The following MYO3B variants were observed in gnomAD, a reference collection of about 807,000 sequenced individuals.
MYO3B encodes myosin-IIIb.
MYO3B carries 156 observed loss-of-function variants against 174.6 expected under a neutral mutation model. That is an observed-to-expected ratio of 0.89 (90% CI 0.78 to 1.02). The LOEUF (loss-of-function observed/expected upper bound fraction) is 1.02. Ranked by LOEUF, MYO3B falls within the 50% of genes least tolerant of loss-of-function variation. MYO3B has a pLI of 0.00. For synonymous variants in MYO3B, 563 were observed against 569.1 expected (o/e 0.99, Z 0.15); for missense variants, 1,632 against 1,639.4 (o/e 1.00, Z 0.08).
At position 170,519,419 on chromosome 2, in the gene MYO3B, C is replaced by T. The variant is rs1195232210; in HGVS notation, c.3473-19C>T. On this transcript the variant is annotated intron_variant, in intron 29 of 34. Coordinates refer to ENST00000408978, the MANE Select transcript of MYO3B (RefSeq NM_138995.5). ...CCTACTTCTGAACATATGCTTAGCC[C>T]TCCTTTCTTTTCTCTCAGTTCTCAG... 1 of 1,607,476 alleles carries T rather than the reference C, an allele frequency of 6.2e-7. No homozygotes were observed. Among genetic ancestry groups the T allele is most frequent in the Admixed American group, 1.7e-5 (1 of 59,942 alleles).
intron 1 of MYO3B, among the ~76,000 whole-genome samples, chr2:170,181,234 A>C (rs2092395062): frequency 6.6e-6 from 1 of 152,062 alleles, no homozygotes; most frequent in African/African-American, 2.4e-5. Flanking sequence ...ACTGTTGAAA[A>C]GTTTTCCTTT....
intron 8 of MYO3B, chr2:170,340,542 G>GT (rs1420190405): frequency 2.0e-5 from 3 of 152,216 alleles, no homozygotes; most frequent in Admixed American, 2.0e-4. Flanking sequence ...TTTATTTAAT[G>GT]TAAGTTTTAT....
intron 32 of MYO3B, chr2:170,647,054 C>T: frequency 4.2e-6 from 2 of 475,258 alleles, no homozygotes; most frequent in South Asian, 4.1e-5. Context: ...ATGCATGTCA[C>T]TAACGTCTTC....
chr2:170,649,372 AT>A (rs1384150401), intron 32 of MYO3B, among the ~76,000 whole-genome samples: 5 of 108,996 alleles, frequency 4.6e-5, no homozygotes, highest in Admixed American at 1.3e-4. Flanking sequence ...TTATATAAAA[AT>A]ATAAATATAT....
At chr2:170,532,797 C>T (rs1473585606) in intron 30 of MYO3B, among the ~76,000 whole-genome samples, 1 of 96,318 alleles carries the variant, frequency 1.0e-5, no homozygotes, top group African/African-American at 4.2e-5. Context: ...GTCTGGGCAA[C>T]AAGAGTGAAA....
At chr2:170,521,973 C>T (rs1405863244) in intron 30 of MYO3B, among the ~76,000 whole-genome samples, 1 of 152,212 alleles carries the variant, frequency 6.6e-6, no homozygotes, top group African/African-American at 2.4e-5. Flanking sequence ...GCGTGCTTTC[C>T]TTGAAGAGCC....
At chr2:170,466,228 C>T (rs367616732) in intron 24 of MYO3B, among the ~76,000 whole-genome samples, 1 of 147,616 alleles carries the variant, frequency 6.8e-6, no homozygotes, top group Non-Finnish European at 1.5e-5. Flanking sequence ...CTAGTTCTGG[C>T]GGTGGAATTA....
chr2:170,466,764 C>T (rs1684664721), intron 25 of MYO3B, 53 bp downstream of exon 25: 5 of 1,540,532 alleles, frequency 3.2e-6, no homozygotes, highest in East Asian at 2.3e-5. Context: ...TCTACTCTGG[C>T]CATCCCTGTG....
At chr2:170,330,355 C>A (rs942631910) in intron 7 of MYO3B, among the ~76,000 whole-genome samples, 1 of 152,082 alleles carries the variant, frequency 6.6e-6, no homozygotes, top group Non-Finnish European at 1.5e-5. Context: ...ATGGACTCTT[C>A]ACGAGATAAA....
chr2:170,565,353 T>C (rs1275753270), intron 32 of MYO3B, among the ~76,000 whole-genome samples: 4 of 152,236 alleles, frequency 2.6e-5, no homozygotes, highest in Non-Finnish European at 4.4e-5. Flanking sequence ...TTGTGAAGTT[T>C]GTACTGAAAC....
intron 32 of MYO3B, among the ~76,000 whole-genome samples, chr2:170,613,153 C>G (rs1251877454): frequency 6.6e-6 from 1 of 152,188 alleles, no homozygotes; most frequent in Non-Finnish European, 1.5e-5. Flanking sequence ...TGTGTACCAA[C>G]ACTAGATCAT....
At chr2:170,238,967 A>C (rs1200786858) in intron 7 of MYO3B, among the ~76,000 whole-genome samples, 1 of 152,108 alleles carries the variant, frequency 6.6e-6, no homozygotes, top group Non-Finnish European at 1.5e-5. Flanking sequence ...AATCTTTCCC[A>C]CTTTGCAAAC....
intron 7 of MYO3B, among the ~76,000 whole-genome samples, chr2:170,237,915 G>C (rs1269567878): frequency 6.6e-6 from 1 of 152,192 alleles, no homozygotes; most frequent in Non-Finnish European, 1.5e-5. Flanking sequence ...TTCTCAGTGT[G>C]ATTATGTGTG....
intron 25 of MYO3B, among the ~76,000 whole-genome samples, chr2:170,485,408 CACACACACACACAG>C (rs1351116543): frequency 2.2e-5 from 3 of 135,340 alleles, no homozygotes; most frequent in Non-Finnish European, 3.2e-5. Context: ...CACACACACA[CACACACACACACAG>C]AGAGAGAGAG....
At chr2:170,545,666 A>G (rs1286910587) in intron 32 of MYO3B, among the ~76,000 whole-genome samples, 2 of 152,232 alleles carry the variant, frequency 1.3e-5, no homozygotes, top group African/African-American at 2.4e-5. Flanking sequence ...AGTCAAATTT[A>G]TTAATAAGTT....
chr2:170,270,307 G>A (rs2093416635), intron 7 of MYO3B, among the ~76,000 whole-genome samples: 1 of 152,168 alleles, frequency 6.6e-6, no homozygotes. Flanking sequence ...ACTAGTAAGT[G>A]TGCTCCGTAG....
At chr2:170,374,799 A>T (rs1162916892) in intron 9 of MYO3B, among the ~76,000 whole-genome samples, 3 of 145,540 alleles carry the variant, frequency 2.1e-5, no homozygotes, top group Non-Finnish European at 4.6e-5. Flanking sequence ...ACACACACAC[A>T]CTACAGATAT....
intron 30 of MYO3B, among the ~76,000 whole-genome samples, chr2:170,532,689 G>T (rs1181786297): frequency 6.6e-6 from 1 of 152,088 alleles, no homozygotes; most frequent in Non-Finnish European, 1.5e-5. Context: ...GGTGGCAGAT[G>T]CCTGTAATCC....
intron 32 of MYO3B, among the ~76,000 whole-genome samples, chr2:170,610,104 A>C (rs1313065398): frequency 1.4e-4 from 21 of 152,230 alleles, no homozygotes; most frequent in Admixed American, 1.4e-3. Context: ...TAGGAGGCCA[A>C]GGCGGGTGGT....
Sources: allele counts gnomAD v4.1 joint callset (sites outside exome capture counted in the v4.1 genomes callset), GRCh38; gene constraint gnomAD v4.1.1; transcripts MANE v1.5; gene names NCBI Gene and HGNC (gene_info 2026-07-23, HGNC 2026-07-21).